The following BMPR2 variants were observed in gnomAD, a reference collection of about 807,000 sequenced individuals.
The protein encoded by BMPR2 is bone morphogenetic protein receptor type-2.
BMPR2 carries 29 observed loss-of-function variants against 100.8 expected under a neutral mutation model. The observed-to-expected ratio is 0.29, with a 90% CI of 0.21 to 0.39. The LOEUF is 0.39. BMPR2 is among the 10% of genes least tolerant of loss of function. The pLI is 1.00. For missense variants in BMPR2, 1,011 were observed against 1,274.5 expected (o/e 0.79, Z 3.15); for synonymous variants, 382 against 442.3 (o/e 0.86, Z 1.71).
chr2:202,451,518 G>A (rs1691983412), intron 1 of BMPR2, among the ~76,000 whole-genome samples: 1 of 152,208 alleles, frequency 6.6e-6, no homozygotes, highest in Admixed American at 6.5e-5. Context: ...GGCCAACATG[G>A]CAAAACCCCG....
intron 7 of BMPR2, among the ~76,000 whole-genome samples, chr2:202,529,190 G>A (rs1687970592): frequency 6.6e-6 from 1 of 152,184 alleles, no homozygotes; most frequent in Admixed American, 6.5e-5. Context: ...CAGGGGGATA[G>A]CACTGGTGAT....
At chr2:202,406,946 C>CTT (rs976516178) in intron 1 of BMPR2, among the ~76,000 whole-genome samples, 7 of 147,970 alleles carry the variant, frequency 4.7e-5, no homozygotes, top group African/African-American at 1.5e-4. Context: ...TTTTCTTTTT[C>CTT]TTTTTTTTTT....
chr2:202,411,083 A>G (rs1368222649), intron 1 of BMPR2, among the ~76,000 whole-genome samples: 1 of 152,148 alleles, frequency 6.6e-6, no homozygotes, highest in Non-Finnish European at 1.5e-5. Flanking sequence ...CAACCAATGG[A>G]TGCTAAAATT....
At chr2:202,408,655 A>G (rs1690950153) in intron 1 of BMPR2, among the ~76,000 whole-genome samples, 1 of 152,232 alleles carries the variant, frequency 6.6e-6, no homozygotes, top group Non-Finnish European at 1.5e-5. Flanking sequence ...TCTTGTAAGC[A>G]TTAGTATTAA....
chr2:202,526,102 G>GTGA lies in BMPR2; in HGVS notation c.968-4690_968-4688dup, dbSNP rs796229619. Among the ~76,000 whole-genome samples the GTGA allele has an allele frequency of 6.6e-4, 101 of 152,128 alleles. 1 individual carries two copies. Among genetic ancestry groups the GTGA allele is most frequent in the African/African-American group, 2.3e-3 (95 of 41,522 alleles). On this transcript the variant is annotated intron_variant, in intron 7 of 12. Transcript: ENST00000374580. ...GCTGGTCTTGAACTCCTGACCTCAG[G>GTGA]TGATCTGCCCACCTCAGCCTCCCAA... is the stretch of plus-strand genomic sequence containing the variant.
intron 3 of BMPR2, among the ~76,000 whole-genome samples, chr2:202,492,877 A>C (rs1692936887): frequency 6.6e-6 from 1 of 152,136 alleles, no homozygotes; most frequent in Non-Finnish European, 1.5e-5. Flanking sequence ...AAGAGAGCAA[A>C]GGTTACTATG....
intron 1 of BMPR2, among the ~76,000 whole-genome samples, chr2:202,444,877 C>T (rs765362908): frequency 2.0e-5 from 3 of 150,772 alleles, no homozygotes; most frequent in Non-Finnish European, 1.5e-5. Context: ...CATCCTCCGC[C>T]TCCCGGGTTC....
intron 1 of BMPR2, among the ~76,000 whole-genome samples, chr2:202,414,769 T>A (rs1355603489): frequency 6.6e-6 from 1 of 152,056 alleles, no homozygotes; most frequent in Non-Finnish European, 1.5e-5. Flanking sequence ...AGACAGAGTC[T>A]CCCTCTGTCG....
intron 3 of BMPR2, among the ~76,000 whole-genome samples, chr2:202,494,722 T>C (rs1692985031): frequency 6.6e-6 from 1 of 152,256 alleles, no homozygotes; most frequent in South Asian, 2.1e-4. Flanking sequence ...AAAAAGGTTT[T>C]TTTATTTTGA....
intron 1 of BMPR2, among the ~76,000 whole-genome samples, chr2:202,450,942 T>C (rs1559042523): frequency 6.6e-6 from 1 of 152,212 alleles, no homozygotes; most frequent in African/African-American, 2.4e-5. Context: ...TATTTAGTTA[T>C]TTGCCCCATT....
chr2:202,507,169 A>G (rs1264276821), intron 3 of BMPR2, among the ~76,000 whole-genome samples: 1 of 151,566 alleles, frequency 6.6e-6, no homozygotes, highest in Non-Finnish European at 1.5e-5. Context: ...TGCTTTACCT[A>G]GGATAAGAGC....
intron 9 of BMPR2, among the ~76,000 whole-genome samples, chr2:202,539,564 C>T (rs1037049003): frequency 5.3e-5 from 8 of 151,878 alleles, no homozygotes; most frequent in African/African-American, 1.9e-4. Context: ...CCTCAAAATG[C>T]AGTATGTGCT....
At chr2:202,378,812 T>A (rs1690211977) in intron 1 of BMPR2, among the ~76,000 whole-genome samples, 2 of 152,188 alleles carry the variant, frequency 1.3e-5, no homozygotes, top group Non-Finnish European at 2.9e-5. Context: ...GTGTTAGCTA[T>A]TTAAATTCTC....
chr2:202,389,027 C>T (rs1259086258), intron 1 of BMPR2, among the ~76,000 whole-genome samples: 3 of 149,972 alleles, frequency 2.0e-5, no homozygotes, highest in East Asian at 2.0e-4. Flanking sequence ...GCCTAGAGTT[C>T]GAGACCAGCC....
chr2:202,534,682 C>T (rs1688095611), intron 9 of BMPR2, among the ~76,000 whole-genome samples: 1 of 152,162 alleles, frequency 6.6e-6, no homozygotes, highest in Non-Finnish European at 1.5e-5. Flanking sequence ...ACACGGCAAC[C>T]ATCTGATTTC....
rs532537267 is a variant in BMPR2, at chr2:202,445,645, T to C, written c.77-19164T>C. ...TCCAGACCCTTGCAGCATTTGTTAT[T>C]GCCTGTCTTTTGCCATGTTGCCAGG... On this transcript the variant is annotated intron_variant, in intron 1 of 12. Coordinates refer to ENST00000374580, the MANE Select transcript of BMPR2 (RefSeq NM_001204.7). Among the ~76,000 whole-genome samples, 65 of 149,968 alleles carry C rather than the reference T, an allele frequency of 4.3e-4. No individual in the cohort carries two copies. The South Asian group carries it at 0.013, about 29-fold the overall frequency.
At chr2:202,507,515 A>C (rs1687543619) in intron 3 of BMPR2, among the ~76,000 whole-genome samples, 2 of 151,510 alleles carry the variant, frequency 1.3e-5, no homozygotes, top group Admixed American at 1.3e-4. Flanking sequence ...TCAGCCTCCC[A>C]AGTAACTGGG....
At chr2:202,546,426 T>C (rs1198298249) in intron 10 of BMPR2, among the ~76,000 whole-genome samples, 3 of 152,126 alleles carry the variant, frequency 2.0e-5, no homozygotes, top group Non-Finnish European at 4.4e-5. Context: ...GGGGGAAGAA[T>C]AGTTTCCTGA....
chr2:202,435,034 G>A lies in BMPR2; in HGVS notation c.77-29775G>A, dbSNP rs533583308. ...GTTGCAGACCCGCCTGGGCAACATG[G>A]TGAGACCCCTTCTCTTCAAAAAAAT... On this transcript the variant is annotated intron_variant, in intron 1 of 12. Transcript: ENST00000374580. 4.8e-3 allele frequency among the ~76,000 whole-genome samples: 696 copies of A among 144,508 alleles called. 65 individuals are homozygous for A. The highest frequency in any genetic ancestry group is 0.018 in the African/African-American group (656 of 36,844). The allele number at this position is 144,508 out of a possible 152,430, so 94.8% of individuals were successfully genotyped here. A position where few individuals can be genotyped will look rare whatever the true frequency, so the allele number is the denominator to read the frequency against.
Sources: allele counts gnomAD v4.1 joint callset (sites outside exome capture counted in the v4.1 genomes callset), GRCh38; gene constraint gnomAD v4.1.1; transcripts MANE v1.5; gene names NCBI Gene and HGNC (gene_info 2026-07-23, HGNC 2026-07-21).